The following LRRTM4 variants were observed in gnomAD, a reference collection of about 807,000 sequenced individuals.
The protein encoded by LRRTM4 is leucine rich repeat transmembrane neuronal 4, also known as leucine-rich repeat transmembrane neuronal protein 4.
Under a neutral mutation model 47.6 loss-of-function variants are expected in LRRTM4, and 25 were observed. The observed-to-expected ratio is 0.53, with a 90% confidence interval of 0.38 to 0.73. LRRTM4 has a LOEUF of 0.73. Among genes scored for constraint, LRRTM4 ranks in the 30% least tolerant of loss-of-function variants. The probability of loss-of-function intolerance (pLI) is 0.00; values close to 1 mark genes in which losing one functional copy is unlikely to be tolerated. For synonymous variants in LRRTM4, 311 were observed against 269.5 expected, an observed-to-expected ratio of 1.15 and a Z score of -1.51; for missense variants, 638 against 713.4, an observed-to-expected ratio of 0.89 and a Z score of 1.20.
chr2:76,901,032 T>C (rs1399608391), intron 3 of LRRTM4, among the ~76,000 whole-genome samples: 1 of 151,950 alleles, frequency 6.6e-6, no homozygotes, highest in East Asian at 1.9e-4. Flanking sequence ...ATGAGAAAAA[T>C]TGTTTTTTTA....
chr2:77,044,881 A>G (rs1293506791), intron 3 of LRRTM4, among the ~76,000 whole-genome samples: 1 of 151,638 alleles, frequency 6.6e-6, no homozygotes, highest in Non-Finnish European at 1.5e-5. Context: ...ACAAATGTAT[A>G]CATATACATA....
intron 3 of LRRTM4, among the ~76,000 whole-genome samples, chr2:77,328,892 C>A (rs1670873008): frequency 6.6e-6 from 1 of 152,150 alleles, no homozygotes. Flanking sequence ...GAGCAGGGAT[C>A]TCTGAGAGCT....
chr2:76,902,070 T>C (rs1172853491), intron 3 of LRRTM4, among the ~76,000 whole-genome samples: 1 of 152,166 alleles, frequency 6.6e-6, no homozygotes, highest in African/African-American at 2.4e-5. Context: ...TCTAACTTCC[T>C]CTGGCTAAGG....
intron 3 of LRRTM4, among the ~76,000 whole-genome samples, chr2:77,124,203 G>A (rs1036713587): frequency 6.6e-6 from 1 of 151,950 alleles, no homozygotes; most frequent in Non-Finnish European, 1.5e-5. Flanking sequence ...AGCAACTGGG[G>A]CAAAAAAACA....
At chr2:77,249,387 G>T (rs1235973847) in intron 3 of LRRTM4, among the ~76,000 whole-genome samples, 1 of 151,540 alleles carries the variant, frequency 6.6e-6, no homozygotes, top group East Asian at 1.9e-4. Flanking sequence ...TAAATTTTTT[G>T]GTCCACCAAG....
chr2:77,065,762 C>G (rs541935657), intron 3 of LRRTM4, among the ~76,000 whole-genome samples: 3 of 152,206 alleles, frequency 2.0e-5, no homozygotes, highest in Admixed American at 6.5e-5. Context: ...GAGTCTCCCC[C>G]CATTAGTTAA....
At chr2:77,329,153 T>C (rs1166247960) in intron 3 of LRRTM4, among the ~76,000 whole-genome samples, 1 of 152,214 alleles carries the variant, frequency 6.6e-6, no homozygotes, top group African/African-American at 2.4e-5. Flanking sequence ...GAGGAGTCTG[T>C]GGTGTTTCAG....
intron 3 of LRRTM4, among the ~76,000 whole-genome samples, chr2:77,373,088 A>ATATATATATATATATATAT: frequency 7.1e-6 from 1 of 140,356 alleles, no homozygotes; most frequent in South Asian, 2.3e-4. Flanking sequence ...TTAAAAAAAA[A>ATATATATATATATATATAT]ATATATATAT....
Position 77,364,079 on chromosome 2 carries a change from G to T in LRRTM4, c.1551+154239C>A, listed in dbSNP as rs73941231. 4.9e-3 allele frequency among the ~76,000 whole-genome samples: 745 copies of T among 150,950 alleles called. 6 individuals are homozygous for T. Among genetic ancestry groups the T allele is most frequent in the African/African-American group, 0.017 (714 of 41,046 alleles). Reference sequence around the variant, plus strand: ...AAAAGGGAAATTTTCATTGAAAAAGGCTCTCTTCTCAACCATATATTTAGA... The same window carrying T: ...AAAAGGGAAATTTTCATTGAAAAAGTCTCTCTTCTCAACCATATATTTAGA... On this transcript the variant is annotated intron_variant, in intron 3 of 3. Coordinates refer to ENST00000409884, the MANE Select transcript of LRRTM4 (RefSeq NM_001134745.3).
At chr2:77,368,843 C>T (rs1323448417) in intron 3 of LRRTM4, among the ~76,000 whole-genome samples, 1 of 151,654 alleles carries the variant, frequency 6.6e-6, no homozygotes, top group African/African-American at 2.4e-5. Flanking sequence ...ATTTTGTTTC[C>T]TTTGGCGATA....
At chr2:77,201,308 G>A (rs1673967815) in intron 3 of LRRTM4, among the ~76,000 whole-genome samples, 1 of 152,022 alleles carries the variant, frequency 6.6e-6, no homozygotes, top group Admixed American at 6.6e-5. Context: ...ATGTACTATA[G>A]GAGTACCCAA....
intron 3 of LRRTM4, among the ~76,000 whole-genome samples, chr2:77,013,550 G>A (rs1412596189): frequency 6.6e-6 from 1 of 151,920 alleles, no homozygotes; most frequent in African/African-American, 2.4e-5. Context: ...CTGTATCAAT[G>A]GGGAGATATC....
intron 3 of LRRTM4, among the ~76,000 whole-genome samples, chr2:77,156,853 T>C (rs1051638315): frequency 2.0e-5 from 3 of 152,002 alleles, no homozygotes; most frequent in Non-Finnish European, 2.9e-5. Context: ...ACTATAGATG[T>C]GAGCTACAGG....
intron 3 of LRRTM4, among the ~76,000 whole-genome samples, chr2:77,066,494 C>T (rs1431303326): frequency 1.3e-5 from 2 of 152,158 alleles, no homozygotes; most frequent in Non-Finnish European, 2.9e-5. Flanking sequence ...CAAAGAGCCA[C>T]TAAGACACAC....
chr2:76,877,853 A>G (rs1672821031), intron 3 of LRRTM4, among the ~76,000 whole-genome samples: 1 of 152,202 alleles, frequency 6.6e-6, no homozygotes, highest in African/African-American at 2.4e-5. Context: ...TCAGTGAAGC[A>G]AACCCCTAAT....
chr2:77,179,657 T>C (rs1231514190), intron 3 of LRRTM4, among the ~76,000 whole-genome samples: 2 of 152,152 alleles, frequency 1.3e-5, no homozygotes, highest in Non-Finnish European at 2.9e-5. Flanking sequence ...CATAAAACTG[T>C]CCTAATAAGG....
intron 3 of LRRTM4, among the ~76,000 whole-genome samples, chr2:76,905,801 G>GA (rs1158143266): frequency 4.6e-5 from 7 of 151,660 alleles, no homozygotes; most frequent in South Asian, 2.1e-4. Flanking sequence ...AGAGAAAAAA[G>GA]AAAAAAAAGA....
At chr2:77,337,800 A>G (rs2104267742) in intron 3 of LRRTM4, among the ~76,000 whole-genome samples, 1 of 152,250 alleles carries the variant, frequency 6.6e-6, no homozygotes, top group African/African-American at 2.4e-5. Context: ...TAGCCAAAGC[A>G]GTCCTAAGCA....
intron 3 of LRRTM4, among the ~76,000 whole-genome samples, chr2:77,231,975 T>G (rs1214071389): frequency 6.6e-6 from 1 of 152,248 alleles, no homozygotes; most frequent in Non-Finnish European, 1.5e-5. Context: ...CCTTTTGCTT[T>G]TCTTCAAATT....
Sources: gnomAD v4.1 joint callset for allele counts (sites outside exome capture counted in the v4.1 genomes callset) on GRCh38, gnomAD v4.1.1 for gene constraint, MANE v1.5 for transcripts, NCBI Gene and HGNC (gene_info 2026-07-23, HGNC 2026-07-21) for gene names.